Variants in SLC31A1 observed in about 807,000 individuals in gnomAD.
The protein encoded by SLC31A1 is solute carrier family 31 member 1, also known as high affinity copper uptake protein 1.
In SLC31A1, 5 loss-of-function variants were observed where a neutral mutation model predicts 17.2. The ratio of observed to expected loss-of-function variants is 0.29; its 90% CI spans 0.15 to 0.61. The LOEUF is 0.61. SLC31A1 is among the 20% of genes least tolerant of loss of function. The pLI is 0.86. For missense variants in SLC31A1, 161 were observed against 241.4 expected (o/e 0.67, Z 2.21); for synonymous variants, 76 against 78.8 (o/e 0.96, Z 0.19).
At chr9:113,244,063 G>C (rs1387039572) in intron 1 of SLC31A1, among the ~76,000 whole-genome samples, 1 of 146,996 alleles carries the variant, frequency 6.8e-6, no homozygotes, top group Non-Finnish European at 1.5e-5. Context: ...GCTGAGGCAG[G>C]AGAATCGCTT....
rs146175026 is a variant in SLC31A1 at position 113,233,991 on chromosome 9, G to A, written c.-36+12313G>A. ...TTGACTATAGTCACCCTTCTGTGCT[G>A]TCAAACACTAGAACTTACTCCTTCT... On this transcript the variant is annotated intron_variant, in intron 1 of 4. Coordinates refer to ENST00000374212, the MANE Select transcript of SLC31A1 (RefSeq NM_001859.4). Among the ~76,000 whole-genome samples the A allele has an allele frequency of 9.9e-5, 15 of 152,148 alleles. No homozygotes were observed. In the East Asian group the frequency reaches 2.5e-3, roughly 25 times the overall value.
intron 4 of SLC31A1, among the ~76,000 whole-genome samples, chr9:113,259,153 C>G (rs1015979710): frequency 1.3e-5 from 2 of 152,102 alleles, no homozygotes; most frequent in East Asian, 1.9e-4. Flanking sequence ...TAATAATGAA[C>G]AAGTTAAGAA....
At chr9:113,244,419 A>G (rs1290001408) in intron 1 of SLC31A1, among the ~76,000 whole-genome samples, 1 of 152,208 alleles carries the variant, frequency 6.6e-6, no homozygotes, top group East Asian at 1.9e-4. Context: ...TTACTTGAGT[A>G]TGGCATAGTT....
intron 1 of SLC31A1, among the ~76,000 whole-genome samples, chr9:113,255,293 G>T (rs1587996028): frequency 6.6e-6 from 1 of 152,234 alleles, no homozygotes; most frequent in African/African-American, 2.4e-5. Flanking sequence ...CCTTAAAGCA[G>T]TTAAATTTCA....
At chr9:113,223,779 C>T (rs193145264) in intron 1 of SLC31A1, among the ~76,000 whole-genome samples, 2 of 152,192 alleles carry the variant, frequency 1.3e-5, no homozygotes, top group Admixed American at 1.3e-4. Flanking sequence ...CGAGTATACC[C>T]ATACTAATCT....
Position 113,258,935 on chromosome 9 carries a change from T to TC in SLC31A1, c.371+74dup, listed in dbSNP as rs139831178. 1.3e-3 allele frequency: 1,848 copies of TC among 1,454,206 alleles called. 15 individuals are homozygous for TC. The African/African-American group carries it at 0.023, about 18-fold the overall frequency. 90.1% of individuals were successfully genotyped at this position (1,454,206 alleles called of 1,614,324 possible). On this transcript the variant is annotated intron_variant, in intron 4 of 4. Transcript: ENST00000374212. This position sits in a 1 kb window ranked among gnomAD's most constrained non-coding sequence, Gnocchi z 4.8. ...TAAGCAGCAAAGCGCAGCTGTGTGA[T>TC]CAGCAGCAGCCCTCTTCTTGAGTTA...
At chr9:113,235,287 C>T (rs1423456103) in intron 1 of SLC31A1, among the ~76,000 whole-genome samples, 1 of 152,144 alleles carries the variant, frequency 6.6e-6, no homozygotes, top group East Asian at 1.9e-4. Flanking sequence ...TTTATACCCA[C>T]CAGAATGGCT....
At chr9:113,222,271 G>A (rs1450492119) in intron 1 of SLC31A1, among the ~76,000 whole-genome samples, 1 of 152,082 alleles carries the variant, frequency 6.6e-6, no homozygotes, top group African/African-American at 2.4e-5. Flanking sequence ...AGATATTCTG[G>A]CGGTGGGTGA....
At chr9:113,238,480 G>A (rs1358542568) in intron 1 of SLC31A1, among the ~76,000 whole-genome samples, 1 of 152,172 alleles carries the variant, frequency 6.6e-6, no homozygotes, top group Non-Finnish European at 1.5e-5. Context: ...TGGATTTTAA[G>A]GCTGGGTGCG....
chr9:113,234,262 G>A (rs1051731610), intron 1 of SLC31A1, among the ~76,000 whole-genome samples: 21 of 151,546 alleles, frequency 1.4e-4, no homozygotes, highest in Admixed American at 2.6e-4. Context: ...GTACAGTGGC[G>A]TGATCTTGGC....
intron 1 of SLC31A1, among the ~76,000 whole-genome samples, chr9:113,252,615 C>G (rs1831667747): frequency 6.6e-6 from 1 of 152,176 alleles, no homozygotes; most frequent in Non-Finnish European, 1.5e-5. Context: ...CAGTCCTCTA[C>G]ATGTTATCTT....
Position 113,256,143 on chromosome 9 carries a change from G to T in SLC31A1, c.-6G>T, listed in dbSNP as rs1010794230. 1.2e-6 allele frequency: 2 copies of T among 1,611,604 alleles called. No homozygotes were observed. Among genetic ancestry groups the T allele is most frequent in the Non-Finnish European group, 1.7e-6 (2 of 1,179,806 alleles). Reference sequence around the variant, plus strand: ...TTCTGCTGACTCTCAACTTTTCCTGGAAAAAATGGATCATTCCCACCATAT... The same window carrying T: ...TTCTGCTGACTCTCAACTTTTCCTGTAAAAAATGGATCATTCCCACCATAT... On this transcript the variant is annotated 5_prime_UTR_variant, in exon 2 of 5. Transcript: ENST00000374212.
chr9:113,237,963 C>T (rs1203264287), intron 1 of SLC31A1, among the ~76,000 whole-genome samples: 1 of 152,222 alleles, frequency 6.6e-6, no homozygotes, highest in Non-Finnish European at 1.5e-5. Flanking sequence ...GCATTAACCT[C>T]ATTGCTGAGC....
chr9:113,231,123 C>T (rs995188100), intron 1 of SLC31A1, among the ~76,000 whole-genome samples: 2 of 152,130 alleles, frequency 1.3e-5, no homozygotes, highest in African/African-American at 4.8e-5. Flanking sequence ...ACCTATCAAG[C>T]CATCCCTTTG....
chr9:113,252,284 G>C (rs931202496), intron 1 of SLC31A1, among the ~76,000 whole-genome samples: 1 of 152,148 alleles, frequency 6.6e-6, no homozygotes, highest in Non-Finnish European at 1.5e-5. Context: ...CTTTTAGATA[G>C]TTTGTGGTAC....
intron 1 of SLC31A1, among the ~76,000 whole-genome samples, chr9:113,232,640 T>C (rs1831412983): frequency 2.0e-5 from 3 of 147,356 alleles, no homozygotes; most frequent in African/African-American, 7.6e-5. Flanking sequence ...GAGACCAGCC[T>C]GGCCAACATG....
chr9:113,254,627 G>A (rs1395953312), intron 1 of SLC31A1, among the ~76,000 whole-genome samples: 1 of 152,056 alleles, frequency 6.6e-6, no homozygotes, highest in African/African-American at 2.4e-5. Context: ...GGCCGGGCAC[G>A]GTAGCTCAAG....
At position 113,258,860 on chromosome 9, in the gene SLC31A1, T is replaced by G. The variant is rs779878098; in HGVS notation, c.369T>G (p.Val123=). ...TCCTTATGGAGACACACAAAACTGT[T>G]GGGTAAGAACTGAACAGATCCAGAT... is the stretch of plus-strand genomic sequence containing the variant. ...GTILMETHKT[V]GQQMLSFPHL... Residue 123 remains valine, a splice_region_variant and synonymous_variant, in exon 4 of 5, where the codon GTT becomes GTG. Coordinates refer to ENST00000374212, the MANE Select transcript of SLC31A1 (RefSeq NM_001859.4). The surrounding 1 kb of genome is among the most constrained non-coding windows in gnomAD (Gnocchi z 4.8). 2 of 1,614,042 alleles carry G rather than the reference T, an allele frequency of 1.2e-6. No individual in the cohort carries two copies. Among genetic ancestry groups the G allele is most frequent in the Non-Finnish European group, 1.7e-6 (2 of 1,180,006 alleles).
intron 1 of SLC31A1, among the ~76,000 whole-genome samples, chr9:113,222,856 G>A (rs914001017): frequency 1.3e-5 from 2 of 152,142 alleles, no homozygotes; most frequent in South Asian, 2.1e-4. Flanking sequence ...AAGTACCATG[G>A]CACTTTCTAA....
Sources: allele counts gnomAD v4.1 joint callset (sites outside exome capture counted in the v4.1 genomes callset), GRCh38; gene constraint gnomAD v4.1.1; non-coding constraint Gnocchi (gnomAD v3.1); transcripts MANE v1.5; gene names NCBI Gene and HGNC (gene_info 2026-07-23, HGNC 2026-07-21).